PHC2: variants seen among roughly 807,000 people sequenced by gnomAD.
PHC2 encodes the protein polyhomeotic-like protein 2.
Under a neutral mutation model 87.4 loss-of-function variants are expected in PHC2, and 29 were observed. The ratio of observed to expected loss-of-function variants is 0.33; its 90% CI spans 0.25 to 0.45. The LOEUF is 0.45. Ranked by LOEUF, PHC2 falls within the 20% of genes least tolerant of loss-of-function variation. The pLI is 1.00. For synonymous variants in PHC2, 438 were observed against 461.7 expected (o/e 0.95, Z 0.66); for missense variants, 857 against 1,136.7 (o/e 0.75, Z 3.54).
At chr1:33,347,826 C>T (rs1181874029) in intron 9 of PHC2, 1 of 756,498 alleles carries the variant, frequency 1.3e-6, no homozygotes, top group Non-Finnish European at 1.6e-6. Context: ...TCTGCCCGAC[C>T]TTCTGCGAAA....
chr1:33,375,683 ATCCATG>A, intron 1 of PHC2, 90 bp from the exon 2 acceptor site: 1 of 783,376 alleles, frequency 1.3e-6, no homozygotes, highest in Non-Finnish European at 1.9e-6. Flanking sequence ...TGGGTTCCAC[ATCCATG>A]GATTCAACCA....
chr1:33,379,123 C>T (rs1462944638), intron 1 of PHC2, among the ~76,000 whole-genome samples: 1 of 151,856 alleles, frequency 6.6e-6, no homozygotes, highest in Non-Finnish European at 1.5e-5. Context: ...AAAAACTGTA[C>T]AGGCCAGGAC....
Position 33,411,446 on chromosome 1 carries a change from G to GTT in PHC2, c.-55+19528_-55+19529dup, listed in dbSNP as rs377005454. On this transcript the variant is annotated intron_variant, in intron 1 of 14. Transcript: ENST00000683057. ...CAGAGAAACATACTGGAACATCTCTGTTTTTTGTTGTTGTTGTTGTTGTTG... is the reference window on the plus strand; with the variant it reads ...CAGAGAAACATACTGGAACATCTCTGTTTTTTTTGTTGTTGTTGTTGTTGTTG... Among the ~76,000 whole-genome samples the GTT allele has an allele frequency of 7.5e-5, 11 of 145,726 alleles. No homozygotes were observed. In the East Asian group the frequency reaches 1.2e-3, roughly 16 times the overall value.
intron 1 of PHC2, among the ~76,000 whole-genome samples, chr1:33,428,377 C>T (rs1426766515): frequency 6.6e-6 from 1 of 152,128 alleles, no homozygotes; most frequent in Non-Finnish European, 1.5e-5. Flanking sequence ...CTTAGCAGAC[C>T]GTATTAAGCA....
chr1:33,419,113 G>T (rs760771941), intron 1 of PHC2, among the ~76,000 whole-genome samples: 1 of 152,192 alleles, frequency 6.6e-6, no homozygotes, highest in Non-Finnish European at 1.5e-5. Context: ...AAGAATAAAT[G>T]AGTAAATACA....
At chr1:33,344,176 A>G (rs1476322046) in intron 9 of PHC2, among the ~76,000 whole-genome samples, 2 of 152,250 alleles carry the variant, frequency 1.3e-5, no homozygotes, top group African/African-American at 4.8e-5. Context: ...AAGGCTAAAA[A>G]TAAACCCAGT....
intron 1 of PHC2, among the ~76,000 whole-genome samples, chr1:33,385,487 A>G (rs1410758459): frequency 6.6e-6 from 1 of 152,232 alleles, no homozygotes; most frequent in Non-Finnish European, 1.5e-5. Context: ...GCCTCTCTGT[A>G]AAATGGACAA....
At position 33,349,800 on chromosome 1, in the gene PHC2, ACGGGGGCGCGAGGCCGGGG is replaced by A. The variant is rs1242459116; in HGVS notation, c.1558+4582_1558+4600del. 3 of 974,246 alleles carry A rather than the reference ACGGGGGCGCGAGGCCGGGG, an allele frequency of 3.1e-6. No individual in the cohort carries two copies. The highest frequency in any genetic ancestry group is 3.6e-6 in the Non-Finnish European group (3 of 823,460). 60.4% of individuals were successfully genotyped at this position (974,246 alleles called of 1,614,324 possible). On this transcript the variant is annotated intron_variant, in intron 9 of 14. Coordinates refer to ENST00000683057, the MANE Select transcript of PHC2 (RefSeq NM_001385109.1). The surrounding 1 kb of genome is among the most constrained non-coding windows in gnomAD (Gnocchi z 4.2). ...AGGGCGGCCGGGGCGCGAGGCCGGG[ACGGGGGCGCGAGGCCGGGG>A]CGGGAGCGCGGGCGGCGGCCGGGGT...
intron 7 of PHC2, chr1:33,363,233 C>T (rs4653095): frequency 0.72 from 108,935 of 152,068 alleles, 39,762 homozygotes; most frequent in African/African-American, 0.86. Flanking sequence ...AATATAAAGC[C>T]CCTCCACTGA....
At position 33,328,916 on chromosome 1, in the gene PHC2, G is replaced by C; in HGVS notation, c.2379C>G (p.Thr793=). ...MGHHFLPSEP[T]KWNVEDVYEF... The stretch of plus-strand genomic sequence containing the variant: ...CGTAGACGTCTTCTACATTCCACTT[G>C]GTGGGCTCACTTGGCAGGAAGTGGT... The change falls in exon 14 of 15, where the codon ACC becomes ACG. Residue 793 remains threonine (T), a synonymous_variant. Transcript: ENST00000683057. 6.2e-7 allele frequency: 1 copy of C among 1,613,798 alleles called. No homozygotes were observed. Among genetic ancestry groups the C allele is most frequent in the Non-Finnish European group, 8.5e-7 (1 of 1,179,714 alleles).
chr1:33,394,649 T>C (rs1381234854), intron 1 of PHC2, among the ~76,000 whole-genome samples: 1 of 152,220 alleles, frequency 6.6e-6, no homozygotes, highest in Non-Finnish European at 1.5e-5. Context: ...AATTATGGCT[T>C]ACTGCAGCCT....
chr1:33,385,272 C>T (rs1162983775), intron 1 of PHC2, among the ~76,000 whole-genome samples: 1 of 152,136 alleles, frequency 6.6e-6, no homozygotes, highest in Non-Finnish European at 1.5e-5. Context: ...CCCCGACCTC[C>T]CAGAGCTTCC....
At chr1:33,384,379 C>T (rs941565636) in intron 1 of PHC2, among the ~76,000 whole-genome samples, 12 of 152,194 alleles carry the variant, frequency 7.9e-5, no homozygotes, top group African/African-American at 2.7e-4. Flanking sequence ...TCATTGATGC[C>T]ATAAGATGGT....
At chr1:33,354,259 T>G in intron 9 of PHC2, 142 bp downstream of exon 9, 1 of 707,910 alleles carries the variant, frequency 1.4e-6, no homozygotes, top group South Asian at 1.9e-5. Context: ...TCTTCTCACA[T>G]CCCTCCTCTG....
chr1:33,423,675 AC>A (rs1276068128), intron 1 of PHC2, among the ~76,000 whole-genome samples: 1 of 152,256 alleles, frequency 6.6e-6, no homozygotes, highest in Non-Finnish European at 1.5e-5. Flanking sequence ...AGTTCACATT[AC>A]CCTATACTAA....
rs1376377906 is a variant in PHC2 at position 33,354,581 on chromosome 1, G to A, written c.1393-15C>T. ...CACTGCTGGGGCTGTCAAAGGACAG[G>A]ACAGAGAGGGGGGCCTCTCAGAAAT... On this transcript the variant is annotated splice_polypyrimidine_tract_variant and intron_variant, in intron 8 of 14. Coordinates refer to ENST00000683057, the MANE Select transcript of PHC2 (RefSeq NM_001385109.1). The A allele has an allele frequency of 3.1e-6, 5 of 1,606,752 alleles. No homozygotes were observed. The highest frequency in any genetic ancestry group is 2.2e-5 in the South Asian group (2 of 90,128).
Position 33,354,521 on chromosome 1 carries a change from C to A in PHC2, c.1438G>T (p.Glu480Ter). The A allele has an allele frequency of 6.2e-7, 1 of 1,614,120 alleles. No homozygotes were observed. Among genetic ancestry groups the A allele is most frequent in the Non-Finnish European group, 8.5e-7 (1 of 1,179,992 alleles). Residue 480 changes from glutamate (E) to a stop codon, truncating the protein, a stop_gained, in exon 9 of 15, where the codon GAG becomes TAG. Coordinates refer to ENST00000683057, the MANE Select transcript of PHC2 (RefSeq NM_001385109.1). LOFTEE classifies it high-confidence loss of function. Reference protein sequence around the residue: ...PDDWKEVAPGEKSVPETRSGP... With the variant: ...PDDWKEVAPG ...GACCGCGTCTCAGGCACACTTTTCTCCCCTGGTGCCACTTCTTTCCAGTCA... is the reference window on the plus strand; with the variant it reads ...GACCGCGTCTCAGGCACACTTTTCTACCCTGGTGCCACTTCTTTCCAGTCA...
At chr1:33,417,697 CCTCT>C (rs1056820986) in intron 1 of PHC2, among the ~76,000 whole-genome samples, 1 of 152,034 alleles carries the variant, frequency 6.6e-6, no homozygotes, top group African/African-American at 2.4e-5. Flanking sequence ...CTTCAATACT[CCTCT>C]CTTAGTAATT....
chr1:33,421,763 CAT>C (rs1650444030), intron 1 of PHC2, among the ~76,000 whole-genome samples: 2 of 152,118 alleles, frequency 1.3e-5, no homozygotes, highest in Admixed American at 6.5e-5. Context: ...AATGAACAAA[CAT>C]ATATATTCAA....
Sources: allele counts gnomAD v4.1 joint callset (sites outside exome capture counted in the v4.1 genomes callset), GRCh38; gene constraint gnomAD v4.1.1; non-coding constraint Gnocchi (gnomAD v3.1); transcripts MANE v1.5; gene names NCBI Gene and HGNC (gene_info 2026-07-23, HGNC 2026-07-21).